The following SLC10A7 variants were observed in gnomAD, a reference collection of about 807,000 sequenced individuals.
SLC10A7 encodes the protein sodium/bile acid cotransporter 7.
In SLC10A7, 29 loss-of-function variants were observed where a neutral mutation model predicts 43.2. The observed-to-expected ratio is 0.67, with a 90% CI of 0.50 to 0.92. The LOEUF is 0.92. SLC10A7 is among the 40% of genes least tolerant of loss of function. The pLI, the probability that SLC10A7 is intolerant of heterozygous loss-of-function variation, is 0.00. For missense variants in SLC10A7, 295 were observed against 403.2 expected, an observed-to-expected ratio of 0.73 and a Z score of 2.30; for synonymous variants, 152 against 144.8, an observed-to-expected ratio of 1.05 and a Z score of -0.35.
chr4:146,319,137 C>T (rs1221338999), intron 6 of SLC10A7, among the ~76,000 whole-genome samples: 1 of 152,082 alleles, frequency 6.6e-6, no homozygotes, highest in African/African-American at 2.4e-5. Flanking sequence ...AATTAAAATT[C>T]CAAGTCCTTA....
chr4:146,339,367 G>A (rs2149724576), intron 5 of SLC10A7, among the ~76,000 whole-genome samples: 1 of 151,984 alleles, frequency 6.6e-6, no homozygotes, highest in Non-Finnish European at 1.5e-5. Context: ...ACAATGAATG[G>A]AGACATCTGC....
intron 5 of SLC10A7, among the ~76,000 whole-genome samples, chr4:146,378,520 A>T (rs1173067357): frequency 6.6e-6 from 1 of 152,184 alleles, no homozygotes; most frequent in Admixed American, 6.5e-5. Flanking sequence ...GAATTTTCAG[A>T]GAAGAAATTA....
intron 5 of SLC10A7, among the ~76,000 whole-genome samples, chr4:146,355,262 T>G (rs991945946): frequency 3.9e-5 from 6 of 152,162 alleles, no homozygotes; most frequent in African/African-American, 1.4e-4. Flanking sequence ...AGAAGACATT[T>G]ATGCAGCCAA....
intron 4 of SLC10A7, among the ~76,000 whole-genome samples, chr4:146,449,786 T>G (rs1299235998): frequency 6.6e-6 from 1 of 152,174 alleles, no homozygotes; most frequent in Non-Finnish European, 1.5e-5. Flanking sequence ...TAATTAAAAG[T>G]ATAACTTCCT....
At chr4:146,507,753 G>A (rs977583554) in intron 3 of SLC10A7, among the ~76,000 whole-genome samples, 5 of 152,058 alleles carry the variant, frequency 3.3e-5, no homozygotes, top group Non-Finnish European at 7.4e-5. Context: ...CATGTGCTCA[G>A]AACATCTTTA....
chr4:146,511,634 C>T lies in SLC10A7; in HGVS notation c.184-1585G>A, dbSNP rs139996001. ...AGTTCCTTCCTGTTAGGTCACAAGA[C>T]ATCCCTAAATGACATCTAAAGAATT... On this transcript the variant is annotated intron_variant, in intron 2 of 11. Coordinates refer to ENST00000335472, the MANE Select transcript of SLC10A7 (RefSeq NM_001029998.6). 1.5e-3 allele frequency among the ~76,000 whole-genome samples: 234 copies of T among 152,344 alleles called. 1 individual carries two copies. The highest frequency in any genetic ancestry group is 5.3e-3 in the African/African-American group (222 of 41,578).
intron 4 of SLC10A7, among the ~76,000 whole-genome samples, chr4:146,498,413 C>T (rs190901513): frequency 1.5e-4 from 23 of 152,232 alleles, no homozygotes; most frequent in Admixed American, 4.6e-4. Flanking sequence ...CCACCGCCCC[C>T]GGCCTTATTA....
chr4:146,456,728 T>C (rs993841411), intron 4 of SLC10A7, among the ~76,000 whole-genome samples: 1 of 152,066 alleles, frequency 6.6e-6, no homozygotes, highest in Admixed American at 6.6e-5. Context: ...TATGTAGGCA[T>C]AATTGATTAA....
intron 5 of SLC10A7, among the ~76,000 whole-genome samples, chr4:146,334,829 A>T (rs143320703): frequency 2.0e-5 from 3 of 152,222 alleles, no homozygotes; most frequent in Non-Finnish European, 4.4e-5. Context: ...AGACATTTTC[A>T]TGTAAGACTT....
intron 10 of SLC10A7, among the ~76,000 whole-genome samples, chr4:146,282,230 C>T (rs1389897153): frequency 1.3e-5 from 2 of 152,100 alleles, no homozygotes; most frequent in Non-Finnish European, 2.9e-5. Context: ...ATAACAACTG[C>T]TCCTAAGGGT....
chr4:146,290,217 G>C (rs1314441630), intron 9 of SLC10A7, among the ~76,000 whole-genome samples: 1 of 150,918 alleles, frequency 6.6e-6, no homozygotes, highest in Non-Finnish European at 1.5e-5. Flanking sequence ...CCAGCTACTT[G>C]GGAGGCTGAG....
intron 5 of SLC10A7, among the ~76,000 whole-genome samples, chr4:146,349,470 A>G (rs1352760579): frequency 5.3e-5 from 8 of 152,228 alleles, no homozygotes; most frequent in Non-Finnish European, 1.0e-4. Context: ...GAGAACTTAA[A>G]GCAGAACTAC....
At chr4:146,439,709 A>G (rs1730455872) in intron 5 of SLC10A7, among the ~76,000 whole-genome samples, 1 of 152,128 alleles carries the variant, frequency 6.6e-6, no homozygotes, top group South Asian at 2.1e-4. Context: ...CGCTATCATT[A>G]CCTCATTTTA....
rs368321499 is a variant in SLC10A7, at chr4:146,510,069, A to G, written c.184-20T>C. 1.2e-5 allele frequency: 19 copies of G among 1,587,302 alleles called. No individual in the cohort carries two copies. Among genetic ancestry groups the G allele is most frequent in the African/African-American group, 2.7e-5 (2 of 73,226 alleles). On this transcript the variant is annotated intron_variant, in intron 2 of 11. Transcript: ENST00000335472. ...CAGCTCCTGGAAAAATTAAGGAAAC[A>G]AAATAAACAAAGGTAAGAAAACTAT...
chr4:146,349,191 A>G (rs557425981), intron 5 of SLC10A7, among the ~76,000 whole-genome samples: 2 of 152,278 alleles, frequency 1.3e-5, no homozygotes, highest in Admixed American at 6.5e-5. Context: ...ACTTGTTACT[A>G]CTATAGTCCA....
In SLC10A7 at chr4:146,351,318, G is replaced by A. The variant is rs545355494; in HGVS notation, c.436-25322C>T. On this transcript the variant is annotated intron_variant, in intron 5 of 11. Coordinates refer to ENST00000335472, the MANE Select transcript of SLC10A7 (RefSeq NM_001029998.6). ...TGAAATGAATGAAATGAAGCGAGAA[G>A]GGAAGTTTAGAGAAAAAAGAATAAA... Among the ~76,000 whole-genome samples, 372 of 151,356 alleles carry A rather than the reference G, an allele frequency of 2.5e-3. 6 individuals are homozygous for A. Among genetic ancestry groups the A allele is most frequent in the African/African-American group, 8.7e-3 (358 of 41,060 alleles).
At chr4:146,344,640 T>C (rs1052543203) in intron 5 of SLC10A7, among the ~76,000 whole-genome samples, 1 of 152,042 alleles carries the variant, frequency 6.6e-6, no homozygotes, top group Non-Finnish European at 1.5e-5. Context: ...GCCTTTTTAC[T>C]CTCATTCTCT....
Position 146,510,793 on chromosome 4 carries a change from T to C in SLC10A7, c.184-744A>G, listed in dbSNP as rs559151522. On this transcript the variant is annotated intron_variant, in intron 2 of 11. Coordinates refer to ENST00000335472, the MANE Select transcript of SLC10A7 (RefSeq NM_001029998.6). Reference sequence around the variant, plus strand: ...AACCAAATACAGTAATTAACCTCTATTCATTGCACCAAGGCTATAAGTCCT... The same window carrying C: ...AACCAAATACAGTAATTAACCTCTACTCATTGCACCAAGGCTATAAGTCCT... Among the ~76,000 whole-genome samples the C allele has an allele frequency of 2.6e-5, 4 of 152,328 alleles. No individual in the cohort carries two copies. In the East Asian group the frequency reaches 7.7e-4, roughly 29 times the overall value.
chr4:146,359,767 T>A (rs1350600592), intron 5 of SLC10A7, among the ~76,000 whole-genome samples: 10 of 152,200 alleles, frequency 6.6e-5, no homozygotes, highest in African/African-American at 2.4e-4. Flanking sequence ...ATTATAGATA[T>A]GACATAATCA....
Sources: allele counts gnomAD v4.1 joint callset (sites outside exome capture counted in the v4.1 genomes callset), GRCh38; gene constraint gnomAD v4.1.1; transcripts MANE v1.5; gene names NCBI Gene and HGNC (gene_info 2026-07-23, HGNC 2026-07-21).